The following ADAMTS9 variants were observed in gnomAD, a reference collection of about 807,000 sequenced individuals.
ADAMTS9 encodes A disintegrin and metalloproteinase with thrombospondin motifs 9.
Under a neutral mutation model 257.1 loss-of-function variants are expected in ADAMTS9, and 107 were observed. The observed-to-expected ratio is 0.42, with a 90% CI of 0.36 to 0.49. The LOEUF is 0.49. ADAMTS9 is among the 20% of genes least tolerant of loss of function. The pLI, the probability that ADAMTS9 is intolerant of heterozygous loss-of-function variation, is 0.03. For missense variants in ADAMTS9, 2,353 were observed against 2,469.1 expected, an observed-to-expected ratio of 0.95 and a Z score of 1.00; for synonymous variants, 982 against 880.9, an observed-to-expected ratio of 1.11 and a Z score of -2.03.
chr3:64,664,934 G>A (rs961771981), intron 3 of ADAMTS9, among the ~76,000 whole-genome samples: 1 of 152,050 alleles, frequency 6.6e-6, no homozygotes, highest in African/African-American at 2.4e-5. Flanking sequence ...ATTTTTTCAT[G>A]TTTCTTTTTC....
At position 64,641,858 on chromosome 3, in the gene ADAMTS9, T is replaced by G; in HGVS notation, c.1846A>C (p.Asn616His). 1 of 1,614,142 alleles carries G rather than the reference T, an allele frequency of 6.2e-7. No homozygotes were observed. The highest frequency in any genetic ancestry group is 8.5e-7 in the Non-Finnish European group (1 of 1,180,012). ...CATTCTAGGACTTACTCTGGTCTGT[T>G]GCACTCTCGAATGGCTGTTTTGATG... The part of the protein sequence containing the change: ...GGIKTAIREC[N>H]RPEPKNGGKY... The change falls in exon 12 of 40, where the codon AAC becomes CAC. Residue 616 changes from asparagine to histidine, a missense_variant. Physicochemically the swap from Asn to His is moderately conservative, Grantham distance 68. Transcript: ENST00000498707.
chr3:64,635,828 A>C (rs1200712167), intron 12 of ADAMTS9, among the ~76,000 whole-genome samples: 1 of 152,004 alleles, frequency 6.6e-6, no homozygotes, highest in East Asian at 1.9e-4. Context: ...CCCTTTTCTC[A>C]GTACCAAGGC....
At chr3:64,642,020 G>A in intron 11 of ADAMTS9, 27 bp from the exon 12 acceptor site, 1 of 1,612,722 alleles carries the variant, frequency 6.2e-7, no homozygotes, top group Non-Finnish European at 8.5e-7. Context: ...GAATAGTGAG[G>A]GAGACTTGGC....
intron 28 of ADAMTS9, among the ~76,000 whole-genome samples, chr3:64,584,973 A>C (rs80091562): frequency 0.018 from 2,777 of 152,220 alleles, 79 homozygotes; most frequent in African/African-American, 0.063. Flanking sequence ...ATTCCCTTCT[A>C]CCAGTTAGCT....
chr3:64,545,965 A>C (rs916265877), intron 32 of ADAMTS9, among the ~76,000 whole-genome samples: 2 of 152,192 alleles, frequency 1.3e-5, no homozygotes, highest in African/African-American at 4.8e-5. Context: ...CTTCCAGGGC[A>C]GTCCCAATTT....
At chr3:64,621,067 G>T in intron 19 of ADAMTS9, 47 bp downstream of exon 19, 1 of 1,567,350 alleles carries the variant, frequency 6.4e-7, no homozygotes, top group Non-Finnish European at 8.6e-7. Flanking sequence ...CCTCCTGCAA[G>T]ACTCTCACAA....
At chr3:64,627,535 G>T (rs1379471177) in intron 16 of ADAMTS9, among the ~76,000 whole-genome samples, 2 of 152,144 alleles carry the variant, frequency 1.3e-5, no homozygotes, top group Admixed American at 1.3e-4. Flanking sequence ...GGTGGCCCTG[G>T]GTACAACTTG....
rs1396511115 is a variant in ADAMTS9 at position 64,544,104 on chromosome 3, G to A, written c.5065-2134C>T. Among the ~76,000 whole-genome samples, 6 of 152,090 alleles carry A rather than the reference G, an allele frequency of 3.9e-5. No homozygotes were observed. The East Asian group carries it at 7.7e-4, about 20-fold the overall frequency. On this transcript the variant is annotated intron_variant, in intron 32 of 39. Coordinates refer to ENST00000498707, the MANE Select transcript of ADAMTS9 (RefSeq NM_182920.2). Reference sequence around the variant, plus strand: ...GGAGAACTACAAACCACTGCTCAACGAAATAAAAGAGGACACAAACAAATG... The same window carrying A: ...GGAGAACTACAAACCACTGCTCAACAAAATAAAAGAGGACACAAACAAATG...
At chr3:64,517,416 G>GTATTTTTTTTTTTTTTTTTT (rs2082789158) in intron 39 of ADAMTS9, among the ~76,000 whole-genome samples, 1 of 52,638 alleles carries the variant, frequency 1.9e-5, no homozygotes, top group Non-Finnish European at 3.8e-5. Flanking sequence ...ATTAAAAATG[G>GTATTTTTTTTTTTTTTTTTT]TTTTTTTTTT....
intron 3 of ADAMTS9, among the ~76,000 whole-genome samples, chr3:64,666,910 G>A (rs1247910858): frequency 6.6e-6 from 1 of 152,202 alleles, no homozygotes. Context: ...AATTTAGGAG[G>A]TGAAGGCAGG....
chr3:64,546,320 G>T (rs1203212352), intron 32 of ADAMTS9, among the ~76,000 whole-genome samples: 8 of 151,838 alleles, frequency 5.3e-5, no homozygotes, highest in African/African-American at 1.9e-4. Flanking sequence ...AACTCAAGAT[G>T]CTCCAAGGAA....
At chr3:64,655,450 C>G (rs1701043585) in intron 6 of ADAMTS9, 126 bp downstream of exon 6, 4 of 756,854 alleles carry the variant, frequency 5.3e-6, no homozygotes, top group Middle Eastern at 4.8e-4. Context: ...AATTGTCCAG[C>G]CCAAAATGTC....
intron 28 of ADAMTS9, 96 bp from the exon 29 acceptor site, chr3:64,568,631 CAA>C: frequency 7.2e-7 from 1 of 1,381,860 alleles, no homozygotes; most frequent in Non-Finnish European, 1.0e-6. Context: ...CAATGCCTAA[CAA>C]GAGTTACCAT....
rs1439926323 is a variant in ADAMTS9, at chr3:64,515,779, G to C, written c.*1348C>G. 6.6e-6 allele frequency: 1 copy of C among 152,148 alleles called. No homozygotes were observed. Among genetic ancestry groups the C allele is most frequent in the Non-Finnish European group, 1.5e-5 (1 of 68,030 alleles). The allele number at this position is 152,148 out of a possible 1,614,324, so 9.4% of individuals were successfully genotyped here. A position where few individuals can be genotyped will look rare whatever the true frequency, so the allele number is the denominator to read the frequency against. ...ACTCTAGAGCTTGTTTGGAGTTGGA[G>C]AATACTGCCAGGCTTTTCCTAATCT... On this transcript the variant is annotated 3_prime_UTR_variant, in exon 40 of 40. Transcript: ENST00000498707.
chr3:64,541,342 A>T lies in ADAMTS9; in HGVS notation c.5365T>A (p.Phe1789Ile). 1 of 1,614,138 alleles carries T rather than the reference A, an allele frequency of 6.2e-7. No homozygotes were observed. Among genetic ancestry groups the T allele is most frequent in the Non-Finnish European group, 8.5e-7 (1 of 1,180,024 alleles). Residue 1789 changes from phenylalanine to isoleucine, a missense_variant, in exon 35 of 40, where the codon TTC becomes ATC. By Grantham distance (21) the Phe-to-Ile change is conservative. Around this residue, in one of 3 missense-constraint regions of ADAMTS9, gnomAD observed 1,402 missense variants for 1,441.4 expected, o/e 0.97. Transcript: ENST00000498707. ...TACCTGTGCCCATAAACCTCGGAGAAATTCTCAGAGTCTCCATGCACCAGT... is the reference window on the plus strand; with the variant it reads ...TACCTGTGCCCATAAACCTCGGAGATATTCTCAGAGTCTCCATGCACCAGT... ...VTLVHGDSENFSEVYGHRLHN... is the reference protein window; with the variant it reads ...VTLVHGDSENISEVYGHRLHN...
intron 16 of ADAMTS9, among the ~76,000 whole-genome samples, chr3:64,627,363 G>A (rs1205405007): frequency 6.7e-6 from 1 of 149,042 alleles, no homozygotes. Context: ...TTTGGCCCCA[G>A]ACATCCTTAA....
At position 64,612,424 on chromosome 3, in the gene ADAMTS9, A is replaced by T. The variant is rs138763823; in HGVS notation, c.3354+921T>A. Among the ~76,000 whole-genome samples, 276 of 152,336 alleles carry T rather than the reference A, an allele frequency of 1.8e-3. 1 individual carries two copies. The highest frequency in any genetic ancestry group is 6.8e-3 in the Middle Eastern group (2 of 294). The stretch of plus-strand genomic sequence containing the variant: ...GTGAACTCTCCCTATTAATTCAGAC[A>T]TGATTGGCAATTTGGACTGTGGATG... On this transcript the variant is annotated intron_variant, in intron 22 of 39. Transcript: ENST00000498707.
chr3:64,602,994 G>A (rs2084493797), intron 25 of ADAMTS9, among the ~76,000 whole-genome samples: 1 of 152,226 alleles, frequency 6.6e-6, no homozygotes, highest in Non-Finnish European at 1.5e-5. Context: ...CGGATGGACA[G>A]ATGGATGAAT....
At chr3:64,629,071 T>C (rs1168670708) in intron 16 of ADAMTS9, among the ~76,000 whole-genome samples, 1 of 152,188 alleles carries the variant, frequency 6.6e-6, no homozygotes, top group African/African-American at 2.4e-5. Flanking sequence ...ACACACTATG[T>C]TCAATCCATC....
Sources: allele counts gnomAD v4.1 joint callset (sites outside exome capture counted in the v4.1 genomes callset), GRCh38; gene constraint gnomAD v4.1.1; regional missense constraint gnomAD v4.1.1; transcripts MANE v1.5; gene names NCBI Gene and HGNC (gene_info 2026-07-23, HGNC 2026-07-21).